The following SLC25A26 variants were observed in gnomAD, a reference collection of about 807,000 sequenced individuals.
The protein encoded by SLC25A26 is mitochondrial S-adenosylmethionine carrier protein.
SLC25A26 carries 36 observed loss-of-function variants against 37.8 expected under a neutral mutation model. That is an observed-to-expected ratio of 0.95 (90% CI 0.73 to 1.26). The LOEUF (loss-of-function observed/expected upper bound fraction) is 1.26, where lower values mean the gene tolerates loss of function less well. SLC25A26 is among the 50% of genes most tolerant of loss of function. SLC25A26 has a pLI of 0.00. For missense variants in SLC25A26, 390 were observed against 331.1 expected, an observed-to-expected ratio of 1.18 and a Z score of -1.38; for synonymous variants, 129 against 122.5, an observed-to-expected ratio of 1.05 and a Z score of -0.35.
intron 6 of SLC25A26, among the ~76,000 whole-genome samples, chr3:66,358,201 C>A (rs2076619987): frequency 6.6e-6 from 1 of 152,122 alleles, no homozygotes; most frequent in Non-Finnish European, 1.5e-5. Flanking sequence ...AATAGATGAG[C>A]AAATATGTAA....
upstream of SLC25A26, among the ~76,000 whole-genome samples, chr3:66,216,559 T>A (rs2071364286): frequency 6.6e-6 from 1 of 150,598 alleles, no homozygotes; most frequent in Admixed American, 6.6e-5. Flanking sequence ...AACAAAACAG[T>A]AACGGGGCTT....
intron 3 of SLC25A26, among the ~76,000 whole-genome samples, chr3:66,253,113 A>T (rs6767046): frequency 0.26 from 39,430 of 150,754 alleles, 5,413 homozygotes; most frequent in Non-Finnish European, 0.3. Flanking sequence ...AATATTAAGA[A>T]TGTTGAGATG....
chr3:66,201,154 T>G (rs2071103254), intron 1 of SLC25A26, among the ~76,000 whole-genome samples: 1 of 151,932 alleles, frequency 6.6e-6, no homozygotes. Flanking sequence ...CAGTAAGAAA[T>G]GAGGCAAATA....
chr3:66,198,827 T>C (rs2071077909), intron 1 of SLC25A26, among the ~76,000 whole-genome samples: 2 of 151,810 alleles, frequency 1.3e-5, no homozygotes, highest in African/African-American at 4.8e-5. Context: ...CCCTGACCCT[T>C]ACCTTGACTC....
chr3:66,244,635 A>C (rs1432263863), intron 3 of SLC25A26, among the ~76,000 whole-genome samples: 1 of 152,222 alleles, frequency 6.6e-6, no homozygotes, highest in Non-Finnish European at 1.5e-5. Context: ...AAAATTGGCA[A>C]CAGTGACAAA....
chr3:66,271,749 T>C (rs942899470), intron 5 of SLC25A26, among the ~76,000 whole-genome samples: 1 of 152,160 alleles, frequency 6.6e-6, no homozygotes, highest in Non-Finnish European at 1.5e-5. Context: ...AAGAAGACCA[T>C]TTCATACATC....
chr3:66,235,396 A>C (rs1279810203), intron 1 of SLC25A26, among the ~76,000 whole-genome samples: 3 of 152,232 alleles, frequency 2.0e-5, no homozygotes, highest in Non-Finnish European at 4.4e-5. Context: ...CCCCAAAGCA[A>C]CATGGTATCT....
chr3:66,241,913 T>C (rs1273226739), intron 2 of SLC25A26, among the ~76,000 whole-genome samples: 3 of 105,186 alleles, frequency 2.9e-5, no homozygotes, highest in Non-Finnish European at 5.8e-5. Flanking sequence ...AAAGCATAGC[T>C]TTTTTTTTTT....
chr3:66,296,570 C>T (rs2074908712), intron 5 of SLC25A26, among the ~76,000 whole-genome samples: 1 of 152,040 alleles, frequency 6.6e-6, no homozygotes. Flanking sequence ...AGTATGTGTT[C>T]ATATGTGAAT....
chr3:66,140,187 C>T lies in SLC25A26; in HGVS notation c.-354+6203C>T, dbSNP rs1258951244. Among the ~76,000 whole-genome samples, 3 of 152,128 alleles carry T rather than the reference C, an allele frequency of 2.0e-5. No homozygotes were observed. The East Asian group carries it at 5.8e-4, about 29-fold the overall frequency. On this transcript the variant is annotated intron_variant, in intron 1 of 10. Transcript: ENST00000676754. ...GCCTATGTATTAACACTTGCAAGTA[C>T]AATGGAAAGAGGTTCTTTGTTATTC...
intron 6 of SLC25A26, among the ~76,000 whole-genome samples, chr3:66,349,781 G>A (rs1175908343): frequency 6.6e-6 from 1 of 152,104 alleles, no homozygotes; most frequent in African/African-American, 2.4e-5. Flanking sequence ...AAACTGTCAA[G>A]GTGTTTTCCA....
rs535500100 is a variant in SLC25A26 at position 66,225,077 on chromosome 3, T to C, written c.33+3950T>C. On this transcript the variant is annotated intron_variant, in intron 1 of 9. Transcript: ENST00000354883. ...CCAGGCACAGGGTTCAAGCTGTCAGTGGATCTACCATTCTGGGGTCTGGAG... is the reference window on the plus strand; with the variant it reads ...CCAGGCACAGGGTTCAAGCTGTCAGCGGATCTACCATTCTGGGGTCTGGAG... 2.6e-5 allele frequency among the ~76,000 whole-genome samples: 4 copies of C among 152,244 alleles called. No homozygotes were observed. The South Asian group carries it at 8.3e-4, about 32-fold the overall frequency.
chr3:66,323,990 A>G (rs191269549), intron 5 of SLC25A26: 36 of 152,270 alleles, frequency 2.4e-4, no homozygotes, highest in African/African-American at 8.2e-4. Flanking sequence ...TATCAGTGTG[A>G]TGACCTCCTG....
At position 66,301,300 on chromosome 3, in the gene SLC25A26, G is replaced by A. The variant is rs978216543; in HGVS notation, c.453+37921G>A. Among the ~76,000 whole-genome samples, 3 of 152,164 alleles carry A rather than the reference G, an allele frequency of 2.0e-5. No homozygotes were observed. In the South Asian group the frequency reaches 6.2e-4, roughly 31 times the overall value. On this transcript the variant is annotated intron_variant, in intron 5 of 9. Transcript: ENST00000354883. Reference sequence around the variant, plus strand: ...GAAGTGTAATTTTGCTTGCCAAGTTGTTACAGATTTTTATACAGACTTTTT... The same window carrying A: ...GAAGTGTAATTTTGCTTGCCAAGTTATTACAGATTTTTATACAGACTTTTT...
chr3:66,187,789 C>A (rs1184689470), intron 1 of SLC25A26, among the ~76,000 whole-genome samples: 2 of 151,896 alleles, frequency 1.3e-5, no homozygotes, highest in Non-Finnish European at 2.9e-5. Flanking sequence ...CTGATCATGG[C>A]CCTTATGCTG....
chr3:66,266,411 C>A (rs1158076082), intron 5 of SLC25A26, among the ~76,000 whole-genome samples: 1 of 152,068 alleles, frequency 6.6e-6, no homozygotes, highest in Non-Finnish European at 1.5e-5. Flanking sequence ...ACATCAAAAT[C>A]TTAGTGAGAA....
rs1030338521 is a variant in SLC25A26, at chr3:66,188,751, A to G, written c.-353-31991A>G. On this transcript the variant is annotated intron_variant, in intron 1 of 10. Coordinates refer to the SLC25A26 transcript ENST00000676754. ...AAATGGACTAAGACACTGACCTGGTACTTAGCCCCACCCCCACCACGATTA... is the reference window on the plus strand; with the variant it reads ...AAATGGACTAAGACACTGACCTGGTGCTTAGCCCCACCCCCACCACGATTA... Among the ~76,000 whole-genome samples the G allele has an allele frequency of 8.5e-5, 13 of 152,158 alleles. No individual in the cohort carries two copies. In the East Asian group the frequency reaches 2.5e-3, roughly 30 times the overall value.
intron 3 of SLC25A26, among the ~76,000 whole-genome samples, chr3:66,244,046 A>G (rs1178550229): frequency 6.6e-6 from 1 of 152,098 alleles, no homozygotes. Context: ...TTTGATTTCT[A>G]TCCCAACACT....
At chr3:66,158,442 C>T (rs144886428) in intron 1 of SLC25A26, among the ~76,000 whole-genome samples, 42 of 152,192 alleles carry the variant, frequency 2.8e-4, no homozygotes, top group African/African-American at 4.6e-4. Flanking sequence ...GTGGATGTTA[C>T]GTTTTGAATT....
Sources: gnomAD v4.1 joint callset for allele counts (sites outside exome capture counted in the v4.1 genomes callset) on GRCh38, gnomAD v4.1.1 for gene constraint, MANE v1.5 for transcripts, NCBI Gene and HGNC (gene_info 2026-07-23, HGNC 2026-07-21) for gene names.